The following PDE10A variants were observed in gnomAD, a reference collection of about 807,000 sequenced individuals.
PDE10A encodes the protein cAMP and cAMP-inhibited cGMP 3',5'-cyclic phosphodiesterase 10A.
In PDE10A, 39 loss-of-function variants were observed where a neutral mutation model predicts 97.7. That is an observed-to-expected ratio of 0.40 (90% confidence interval 0.31 to 0.52). The LOEUF (loss-of-function observed/expected upper bound fraction) is 0.52, where lower values mean the gene tolerates loss of function less well. PDE10A is among the 20% of genes least tolerant of loss of function. The pLI, the probability that PDE10A is intolerant of heterozygous loss-of-function variation, is 0.56. For synonymous variants in PDE10A, 371 were observed against 376.8 expected (o/e 0.98, Z 0.18); for missense variants, 731 against 1,047.8 (o/e 0.70, Z 4.17).
chr6:165,450,112 T>C (rs1305693895), intron 4 of PDE10A, 130 bp downstream of exon 4: 2 of 637,222 alleles, frequency 3.1e-6, no homozygotes, highest in African/African-American at 1.8e-5. Context: ...ATATTTTCAC[T>C]TGAAATTTAG....
intron 1 of PDE10A, among the ~76,000 whole-genome samples, chr6:165,717,477 G>A (rs367598454): frequency 3.4e-4 from 51 of 152,210 alleles, no homozygotes; most frequent in African/African-American, 9.6e-4. Context: ...CAAGCTACTC[G>A]GGAAGCGGAG....
At chr6:165,826,356 GTCCCTCTGTCCTTGCA>G (rs1779747472) in intron 1 of PDE10A, among the ~76,000 whole-genome samples, 3 of 132,178 alleles carry the variant, frequency 2.3e-5, no homozygotes, top group African/African-American at 7.6e-5. Context: ...GTGTCCCCGT[GTCCCTCTGTCCTTGCA>G]TCCCTCTGTC....
At chr6:165,446,442 C>T (rs961575218) in intron 5 of PDE10A, among the ~76,000 whole-genome samples, 11 of 152,082 alleles carry the variant, frequency 7.2e-5, no homozygotes, top group Non-Finnish European at 1.6e-4. Context: ...TTCCTACCCA[C>T]AGAAATCCCT....
intron 2 of PDE10A, among the ~76,000 whole-genome samples, chr6:165,492,741 A>G (rs979699401): frequency 1.3e-5 from 2 of 152,220 alleles, no homozygotes; most frequent in African/African-American, 4.8e-5. Flanking sequence ...ATTATATTGA[A>G]TGTGAAAAAC....
chr6:165,563,041 A>G (rs1456803098), intron 1 of PDE10A, among the ~76,000 whole-genome samples: 1 of 152,118 alleles, frequency 6.6e-6, no homozygotes, highest in East Asian at 1.9e-4. Flanking sequence ...TGTTTGCTCA[A>G]ATAATGTGGA....
At chr6:165,969,505 T>C (rs984260768) in intron 1 of PDE10A, among the ~76,000 whole-genome samples, 1 of 152,172 alleles carries the variant, frequency 6.6e-6, no homozygotes, top group African/African-American at 2.4e-5. Context: ...CCAGTTGTAC[T>C]GGGTGAAATG....
At chr6:165,674,011 T>G (rs1790723207) in intron 1 of PDE10A, among the ~76,000 whole-genome samples, 1 of 152,146 alleles carries the variant, frequency 6.6e-6, no homozygotes, top group African/African-American at 2.4e-5. Context: ...TGTCCATAGA[T>G]ATGATCGATC....
chr6:165,353,045 C>T (rs530504610), intron 18 of PDE10A, among the ~76,000 whole-genome samples: 29 of 152,148 alleles, frequency 1.9e-4, no homozygotes, highest in African/African-American at 6.5e-4. Context: ...GAACTGACAC[C>T]TCACTAAAAA....
At chr6:165,497,557 A>G (rs771404570) in intron 2 of PDE10A, among the ~76,000 whole-genome samples, 1 of 152,240 alleles carries the variant, frequency 6.6e-6, no homozygotes, top group Non-Finnish European at 1.5e-5. Context: ...CATAAAAGCA[A>G]AGTTCAAGAA....
intron 1 of PDE10A, among the ~76,000 whole-genome samples, chr6:165,648,216 A>G (rs1261089350): frequency 2.0e-5 from 3 of 151,672 alleles, no homozygotes; most frequent in South Asian, 2.1e-4. Context: ...GTTTCACCAT[A>G]TTAGCCAGGA....
chr6:165,526,593 C>A (rs545495988), intron 2 of PDE10A, among the ~76,000 whole-genome samples: 8 of 152,310 alleles, frequency 5.3e-5, no homozygotes, highest in Admixed American at 2.0e-4. Context: ...CCCACCACAT[C>A]CCCGTTCAAC....
intron 1 of PDE10A, among the ~76,000 whole-genome samples, chr6:165,919,453 A>G (rs1282171654): frequency 6.6e-6 from 1 of 152,234 alleles, no homozygotes; most frequent in Non-Finnish European, 1.5e-5. Flanking sequence ...CGTTTCTCCT[A>G]TCAGCCCAAT....
At position 165,870,359 on chromosome 6, in the gene PDE10A, T is replaced by C. The variant is rs373234093; in HGVS notation, c.-615+117170A>G. Among the ~76,000 whole-genome samples the C allele has an allele frequency of 3.9e-5, 6 of 152,210 alleles. No homozygotes were observed. The South Asian group carries it at 1.2e-3, about 32-fold the overall frequency. On this transcript the variant is annotated intron_variant, in intron 1 of 19. Coordinates refer to the PDE10A transcript ENST00000366882. ...AGAAGTACATGAAAAATGCTCAAGA[T>C]CACTAATCATTGTGGAAAAGCAAAT...
rs1276241403 is a variant in PDE10A at position 165,803,609 on chromosome 6, G to A, written c.-615+183920C>T. On this transcript the variant is annotated intron_variant, in intron 1 of 19. Coordinates refer to the PDE10A transcript ENST00000366882. ...CTTGTAACCTAGCCTGGAACAAGGT[G>A]GGAATTTAGTAAGTCTGAGTGACTG... is the stretch of plus-strand genomic sequence containing the variant. 2.6e-5 allele frequency among the ~76,000 whole-genome samples: 4 copies of A among 152,184 alleles called. No individual in the cohort carries two copies. In the East Asian group the frequency reaches 7.7e-4, roughly 29 times the overall value.
intron 15 of PDE10A, among the ~76,000 whole-genome samples, chr6:165,394,190 T>C (rs940832289): frequency 3.9e-5 from 6 of 152,124 alleles, no homozygotes; most frequent in Non-Finnish European, 5.9e-5. Context: ...CTACATTTGC[T>C]ATTTCTCCTA....
intron 3 of PDE10A, among the ~76,000 whole-genome samples, chr6:165,467,325 A>G (rs748640307): frequency 4.6e-5 from 7 of 152,250 alleles, no homozygotes; most frequent in Non-Finnish European, 8.8e-5. Context: ...TTTTCAAAGC[A>G]GACGAAACAT....
intron 1 of PDE10A, among the ~76,000 whole-genome samples, chr6:165,597,442 G>C (rs1045055849): frequency 6.6e-6 from 1 of 152,082 alleles, no homozygotes; most frequent in Non-Finnish European, 1.5e-5. Flanking sequence ...TGAGTCTTTG[G>C]CTGTATTTAC....
intron 1 of PDE10A, among the ~76,000 whole-genome samples, chr6:165,710,958 T>G (rs1390375246): frequency 1.3e-5 from 2 of 152,236 alleles, no homozygotes; most frequent in African/African-American, 4.8e-5. Flanking sequence ...CGTAAGAGAA[T>G]GCCAGGAAGG....
intron 1 of PDE10A, among the ~76,000 whole-genome samples, chr6:165,602,227 C>T (rs1015098978): frequency 1.3e-5 from 2 of 152,150 alleles, no homozygotes; most frequent in Admixed American, 1.3e-4. Flanking sequence ...GAAACAAGCC[C>T]CGCTGATCCC....
Sources: allele counts gnomAD v4.1 joint callset (sites outside exome capture counted in the v4.1 genomes callset), GRCh38; gene constraint gnomAD v4.1.1; transcripts MANE v1.5; gene names NCBI Gene and HGNC (gene_info 2026-07-23, HGNC 2026-07-21).